Variants in VPS13D observed in about 807,000 individuals in gnomAD.
The protein encoded by VPS13D is vacuolar protein sorting 13 homolog D, also known as intermembrane lipid transfer protein VPS13D.
In VPS13D, 187 loss-of-function variants were observed where a neutral mutation model predicts 461.9. That is an observed-to-expected ratio of 0.40 (90% CI 0.36 to 0.46). VPS13D has a LOEUF of 0.46. Among genes scored for constraint, VPS13D ranks in the 20% least tolerant of loss-of-function variants. The pLI, the probability that VPS13D is intolerant of heterozygous loss-of-function variation, is 0.60. For synonymous variants in VPS13D, 1,951 were observed against 1,986.3 expected, an observed-to-expected ratio of 0.98 and a Z score of 0.47; for missense variants, 4,711 against 5,364.9, an observed-to-expected ratio of 0.88 and a Z score of 3.81.
intron 35 of VPS13D, among the ~76,000 whole-genome samples, chr1:12,325,323 G>T (rs138792011): frequency 0.022 from 3,278 of 151,832 alleles, 60 homozygotes; most frequent in African/African-American, 0.038. Context: ...GCAGTGGCGC[G>T]ATCTTGGCCC....
At chr1:12,449,508 C>G (rs1204817851) in intron 65 of VPS13D, among the ~76,000 whole-genome samples, 1 of 151,962 alleles carries the variant, frequency 6.6e-6, no homozygotes, top group Admixed American at 6.6e-5. Flanking sequence ...CACTGCTTTT[C>G]AGGTCACATT....
chr1:12,290,915 A>G, intron 22 of VPS13D, 83 bp from the exon 23 acceptor site: 1 of 1,376,886 alleles, frequency 7.3e-7, no homozygotes, highest in Middle Eastern at 2.0e-4. Context: ...AGGCATGTGT[A>G]TACCAGCTTT....
intron 7 of VPS13D, among the ~76,000 whole-genome samples, chr1:12,254,046 TACTAG>T (rs1224411270): frequency 1.3e-5 from 2 of 152,252 alleles, no homozygotes; most frequent in African/African-American, 2.4e-5. Context: ...TTTAAATTTA[TACTAG>T]ACTATAGTTT....
Position 12,433,349 on chromosome 1 carries a change from T to C in VPS13D, c.12333+16522T>C, listed in dbSNP as rs78117691. ...CAACCCTTCTTCAGGCCAGATGAAA[T>C]CATGGTCCCTGCTGGCGCCATTCCT... is the stretch of plus-strand genomic sequence containing the variant. On this transcript the variant is annotated intron_variant, in intron 65 of 69. Transcript: ENST00000620676. Among the ~76,000 whole-genome samples, 486 of 151,716 alleles carry C rather than the reference T, an allele frequency of 3.2e-3. 2 individuals are homozygous for C. Among genetic ancestry groups the C allele is most frequent in the Non-Finnish European group, 4.6e-3 (315 of 67,918 alleles).
chr1:12,326,280 CTTT>C (rs141587637), intron 35 of VPS13D, among the ~76,000 whole-genome samples: 1,040 of 93,496 alleles, frequency 0.011, 21 homozygotes, highest in African/African-American at 0.043. Flanking sequence ...ATTCGAGCAC[CTTT>C]TTTTTTTTTT....
At chr1:12,240,464 G>A (rs112194386) in intron 2 of VPS13D, among the ~76,000 whole-genome samples, 1 of 151,610 alleles carries the variant, frequency 6.6e-6, no homozygotes, top group Non-Finnish European at 1.5e-5. Context: ...GTGTGGTGGC[G>A]GGCACCTATA....
chr1:12,362,553 A>T (rs1211963888), intron 50 of VPS13D, among the ~76,000 whole-genome samples, 167 bp from the exon 51 acceptor site: 1 of 152,340 alleles, frequency 6.6e-6, no homozygotes, highest in South Asian at 2.1e-4. Context: ...TAATACTTTG[A>T]GTACAATTGC....
chr1:12,281,286 G>A (rs1418773218), intron 20 of VPS13D, among the ~76,000 whole-genome samples: 1 of 152,038 alleles, frequency 6.6e-6, no homozygotes, highest in Non-Finnish European at 1.5e-5. Flanking sequence ...CTTTGTTTTG[G>A]GTTTGTTGGA....
At position 12,314,301 on chromosome 1, in the gene VPS13D, G is replaced by T; in HGVS notation, c.7122G>T (p.Gly2374=). The change falls in exon 30 of 70, where the codon GGG becomes GGT. Residue 2374 remains glycine (G), a synonymous_variant. Coordinates refer to ENST00000620676, the MANE Select transcript of VPS13D (RefSeq NM_015378.4). The part of the protein sequence containing the change: ...QPAKNSSTTQ[G]SIQIELHFRS... ...CTAAGAACAGCAGCACCACCCAAGG[G>T]TCCATTCAGATTGAACTACATTTCA... 1 of 1,613,956 alleles carries T rather than the reference G, an allele frequency of 6.2e-7. No homozygotes were observed. The highest frequency in any genetic ancestry group is 8.5e-7 in the Non-Finnish European group (1 of 1,179,872).
chr1:12,374,981 G>A (rs954591183), intron 55 of VPS13D, among the ~76,000 whole-genome samples: 1 of 152,140 alleles, frequency 6.6e-6, no homozygotes, highest in Non-Finnish European at 1.5e-5. Context: ...CAGGTAATCC[G>A]CCTGCCTTGG....
intron 6 of VPS13D, among the ~76,000 whole-genome samples, chr1:12,251,388 G>A (rs937611233): frequency 2.0e-5 from 3 of 152,262 alleles, no homozygotes; most frequent in Admixed American, 6.5e-5. Flanking sequence ...TCATATGACC[G>A]TCACCTTGCA....
chr1:12,253,859 C>G (rs142761524), intron 7 of VPS13D, 33 bp downstream of exon 7: 2 of 1,586,470 alleles, frequency 1.3e-6, no homozygotes, highest in East Asian at 4.5e-5. Flanking sequence ...TGTTGCAAGA[C>G]AGCATGGAAG....
chr1:12,268,207 C>T (rs1452403976), intron 15 of VPS13D, among the ~76,000 whole-genome samples: 1 of 150,042 alleles, frequency 6.7e-6, no homozygotes, highest in Non-Finnish European at 1.5e-5. Flanking sequence ...TCCTTGGCCT[C>T]CCAAAGTGCT....
chr1:12,415,328 C>T, intron 64 of VPS13D, 107 bp downstream of exon 64: 1 of 1,418,152 alleles, frequency 7.1e-7, no homozygotes, highest in East Asian at 2.3e-5. Flanking sequence ...CCCAGTTAAA[C>T]ATTTCAACTC....
At position 12,257,915 on chromosome 1, in the gene VPS13D, A is replaced by G; in HGVS notation, c.942-20A>G. 5 of 1,613,432 alleles carry G rather than the reference A, an allele frequency of 3.1e-6. No homozygotes were observed. Among genetic ancestry groups the G allele is most frequent in the South Asian group, 1.1e-5 (1 of 91,086 alleles). On this transcript the variant is annotated intron_variant, in intron 9 of 69. Transcript: ENST00000620676. ...TGCTTTTGTTGTAAGAAGTGATTACATCGTTATGGACTATTTCAGCTGCCG... is the reference window on the plus strand; with the variant it reads ...TGCTTTTGTTGTAAGAAGTGATTACGTCGTTATGGACTATTTCAGCTGCCG...
At chr1:12,316,835 G>C (rs1173202785) in intron 30 of VPS13D, among the ~76,000 whole-genome samples, 1 of 150,594 alleles carries the variant, frequency 6.6e-6, no homozygotes, top group Non-Finnish European at 1.5e-5. Context: ...TGTTTCTCTT[G>C]TCCTACTCAT....
rs1646118647 is a variant in VPS13D, at chr1:12,506,996, C to T, written c.12938C>T (p.Ser4313Phe). 2 of 1,614,148 alleles carry T rather than the reference C, an allele frequency of 1.2e-6. No individual in the cohort carries two copies. Among genetic ancestry groups the T allele is most frequent in the Admixed American group, 1.7e-5 (1 of 60,014 alleles). The change falls in exon 69 of 70, where the codon TCC (serine) becomes TTC (phenylalanine). Residue 4313 changes from serine (S) to phenylalanine (F), a missense_variant. Around this residue, in one of 3 missense-constraint regions of VPS13D, gnomAD observed 194 missense variants for 220.9 expected, o/e 0.88. Transcript: ENST00000620676. Reference protein sequence around the residue: ...KYDDLYHCLVSKDHGKVYVQV... With the variant: ...KYDDLYHCLVFKDHGKVYVQV... ...GATGACCTCTACCACTGCCTTGTCT[C>T]CAAAGACCATGGGAAGGTGTATGTG... is the stretch of plus-strand genomic sequence containing the variant.
chr1:12,455,214 G>A (rs1233102483), intron 65 of VPS13D, among the ~76,000 whole-genome samples: 1 of 152,172 alleles, frequency 6.6e-6, no homozygotes, highest in Non-Finnish European at 1.5e-5. Context: ...ATGGAGCTTG[G>A]CACCTCATAG....
chr1:12,278,009 A>G lies in VPS13D; in HGVS notation c.4421A>G (p.Asp1474Gly), dbSNP rs757645699. Residue 1474 changes from aspartate (D) to glycine (G), a missense_variant, in exon 19 of 70, where the codon GAT becomes GGT. This residue lies in a region of VPS13D where 4,411 missense variants were observed against 4,937.8 expected (regional missense o/e 0.89). Coordinates refer to ENST00000620676, the MANE Select transcript of VPS13D (RefSeq NM_015378.4). The part of the protein sequence containing the change: ...SQEEAHFTRH[D>G]FFESLHRGQA... Reference sequence around the variant, plus strand: ...GAGGAAGCTCATTTCACACGACATGATTTCTTTGAATCTTTGCATAGAGGT... The same window carrying G: ...GAGGAAGCTCATTTCACACGACATGGTTTCTTTGAATCTTTGCATAGAGGT... 1.2e-6 allele frequency: 2 copies of G among 1,613,862 alleles called. No homozygotes were observed. Among genetic ancestry groups the G allele is most frequent in the African/African-American group, 2.7e-5 (2 of 75,032 alleles).
Sources: gnomAD v4.1 joint callset for allele counts (sites outside exome capture counted in the v4.1 genomes callset) on GRCh38, gnomAD v4.1.1 for gene constraint, gnomAD v4.1.1 regional missense constraint, MANE v1.5 for transcripts, NCBI Gene and HGNC (gene_info 2026-07-23, HGNC 2026-07-21) for gene names.